Variants in UBXN8 observed in about 807,000 individuals in gnomAD.
UBXN8 encodes UBX domain protein 8, also known as UBX domain-containing protein 8.
UBXN8 carries 27 observed loss-of-function variants against 32.1 expected under a neutral mutation model. The ratio of observed to expected loss-of-function variants is 0.84; its 90% confidence interval spans 0.62 to 1.16. The LOEUF (loss-of-function observed/expected upper bound fraction) is 1.16, where lower values mean the gene tolerates loss of function less well. UBXN8 is among the 50% of genes most tolerant of loss of function. The pLI is 0.00. For missense variants in UBXN8, 306 were observed against 311.4 expected (o/e 0.98, Z 0.13); for synonymous variants, 109 against 111.8 (o/e 0.98, Z 0.16).
rs1433129287 is a variant in UBXN8, at chr8:30,766,763, T to C, written c.*369T>C. ...CACAATATTTCATGATTCAAATTCT[T>C]CAAAGTCTTATACGCAGGAATGTTT... On this transcript the variant is annotated 3_prime_UTR_variant, in exon 8 of 8. Coordinates refer to ENST00000265616, the MANE Select transcript of UBXN8 (RefSeq NM_005671.4). 2 of 154,602 alleles carry C rather than the reference T, an allele frequency of 1.3e-5. No individual in the cohort carries two copies. The highest frequency in any genetic ancestry group is 3.8e-4 in the East Asian group (2 of 5,284). 9.6% of individuals were successfully genotyped at this position (154,602 alleles called of 1,614,324 possible).
chr8:30,760,443 ATTTTT>A (rs199634258), intron 5 of UBXN8, among the ~76,000 whole-genome samples: 3 of 91,096 alleles, frequency 3.3e-5, no homozygotes, highest in African/African-American at 1.5e-4. Flanking sequence ...ATATATATAT[ATTTTT>A]TTTTTTTTTT....
At chr8:30,749,405 T>TAAAA (rs60710943) in intron 1 of UBXN8, among the ~76,000 whole-genome samples, 32,086 of 136,192 alleles carry the variant, frequency 0.24, 4,340 homozygotes, top group African/African-American at 0.44. Flanking sequence ...AAAAAAAAAA[T>TAAAA]AAAATAAATA....
At chr8:30,754,602 A>G (rs577769941) in intron 3 of UBXN8, 63 bp from the exon 4 acceptor site, 1 of 1,502,624 alleles carries the variant, frequency 6.7e-7, no homozygotes, top group South Asian at 1.4e-5. Flanking sequence ...AACTTTATAG[A>G]CAGTGTACAT....
upstream of UBXN8, among the ~76,000 whole-genome samples, chr8:30,741,599 G>A (rs541256178): frequency 5.3e-5 from 8 of 151,756 alleles, no homozygotes; most frequent in African/African-American, 1.9e-4. Context: ...CTACAGGTGT[G>A]AGCCACCATG....
intron 1 of UBXN8, among the ~76,000 whole-genome samples, chr8:30,745,619 CT>C (rs1805340753): frequency 6.6e-6 from 1 of 152,226 alleles, no homozygotes; most frequent in African/African-American, 2.4e-5. Flanking sequence ...TGTCCTGAAG[CT>C]TCTCACTCAC....
intron 6 of UBXN8, among the ~76,000 whole-genome samples, chr8:30,761,865 G>T (rs1297289602): frequency 1.3e-5 from 2 of 152,126 alleles, no homozygotes; most frequent in Non-Finnish European, 2.9e-5. Flanking sequence ...ATCCCCAACT[G>T]TGTCAAGCTG....
chr8:30,748,836 C>T (rs1176889948), intron 1 of UBXN8, among the ~76,000 whole-genome samples: 5 of 152,120 alleles, frequency 3.3e-5, no homozygotes, highest in Admixed American at 6.6e-5. Context: ...CCATCTCGCC[C>T]GGCCTATATA....
At chr8:30,743,500 T>G (rs1359711160), upstream of UBXN8, among the ~76,000 whole-genome samples, 1 of 152,158 alleles carries the variant, frequency 6.6e-6, no homozygotes, top group Non-Finnish European at 1.5e-5. Context: ...TGGGAGGACC[T>G]CAGTAGCTTG....
chr8:30,753,207 A>G (rs1563561863), intron 3 of UBXN8, 102 bp downstream of exon 3: 12 of 1,333,324 alleles, frequency 9.0e-6, no homozygotes, highest in Non-Finnish European at 1.2e-5. Context: ...CTAAGATTTT[A>G]AAAAATATAT....
At position 30,754,731 on chromosome 8, in the gene UBXN8, C is replaced by T. The variant is rs374278209; in HGVS notation, c.349C>T (p.Arg117Cys). Residue 117 changes from arginine to cysteine, a missense_variant, in exon 4 of 8, where the codon CGC (arginine) becomes TGC (cysteine). Physicochemically the swap from Arg to Cys is radical, Grantham distance 180. Transcript: ENST00000265616. ...AATGAAATTGAGAAAACTGGAGGAGCGCTTTTATCAAATGACGGGTGAAGC... is the reference window on the plus strand; with the variant it reads ...AATGAAATTGAGAAAACTGGAGGAGTGCTTTTATCAAATGACGGGTGAAGC... ...QEMKLRKLEE[R>C]FYQMTGEAWK... 15 of 1,562,726 alleles carry T rather than the reference C, an allele frequency of 9.6e-6. 1 individual carries two copies. Among genetic ancestry groups the T allele is most frequent in the Admixed American group, 6.6e-5 (3 of 45,714 alleles).
chr8:30,754,056 A>G (rs1290851680), intron 3 of UBXN8, among the ~76,000 whole-genome samples: 1 of 152,160 alleles, frequency 6.6e-6, no homozygotes, highest in East Asian at 1.9e-4. Context: ...CCTGGCCAAC[A>G]AGGTGAAACC....
At chr8:30,759,553 T>C (rs1805768836) in intron 5 of UBXN8, among the ~76,000 whole-genome samples, 4 of 151,790 alleles carry the variant, frequency 2.6e-5, no homozygotes, top group Admixed American at 1.3e-4. Context: ...GGATTCTTAA[T>C]AGATTAATGG....
At chr8:30,729,983 A>G (rs192107417), upstream of UBXN8, among the ~76,000 whole-genome samples, 5 of 152,314 alleles carry the variant, frequency 3.3e-5, no homozygotes, top group East Asian at 9.6e-4. Context: ...CAACTCCTGA[A>G]GTTCTGTTCG....
At chr8:30,763,639 C>A (rs560957280) in intron 7 of UBXN8, among the ~76,000 whole-genome samples, 7 of 152,046 alleles carry the variant, frequency 4.6e-5, no homozygotes, top group African/African-American at 1.7e-4. Flanking sequence ...GGGCAAGATG[C>A]TTTTAAATCC....
At chr8:30,764,735 G>A (rs1421889404) in intron 7 of UBXN8, among the ~76,000 whole-genome samples, 2 of 152,168 alleles carry the variant, frequency 1.3e-5, no homozygotes, top group African/African-American at 4.8e-5. Context: ...AATGCGTTGG[G>A]AAAACAGGGA....
chr8:30,762,738 G>A (rs1345838172), intron 6 of UBXN8, among the ~76,000 whole-genome samples: 2 of 152,058 alleles, frequency 1.3e-5, no homozygotes, highest in Non-Finnish European at 2.9e-5. Context: ...AGGGAGGGGT[G>A]CTGCTCTAAA....
At chr8:30,762,127 G>A (rs535206699) in intron 6 of UBXN8, among the ~76,000 whole-genome samples, 2 of 147,826 alleles carry the variant, frequency 1.4e-5, no homozygotes, top group East Asian at 2.0e-4. Context: ...GTCTTGGCAC[G>A]ATCATAGCTG....
chr8:30,760,443 ATT>A (rs199634258), intron 5 of UBXN8, among the ~76,000 whole-genome samples: 2 of 91,096 alleles, frequency 2.2e-5, no homozygotes, highest in African/African-American at 5.1e-5. Context: ...ATATATATAT[ATT>A]TTTTTTTTTT....
chr8:30,762,061 C>CTTTT (rs11393072), intron 6 of UBXN8, among the ~76,000 whole-genome samples: 4 of 135,442 alleles, frequency 3.0e-5, no homozygotes, highest in South Asian at 2.4e-4. Context: ...CCTTGGAAAC[C>CTTTT]TTTTTTTTTT....
Sources: allele counts gnomAD v4.1 joint callset (sites outside exome capture counted in the v4.1 genomes callset), GRCh38; gene constraint gnomAD v4.1.1; transcripts MANE v1.5; gene names NCBI Gene and HGNC (gene_info 2026-07-23, HGNC 2026-07-21).